APPL1: variants seen among roughly 807,000 people sequenced by gnomAD.
APPL1 encodes adaptor protein, phosphotyrosine interacting with PH domain and leucine zipper 1.
A neutral mutation model predicts 106.8 loss-of-function variants in APPL1; 42 were observed. That is an observed-to-expected ratio of 0.39 (90% CI 0.31 to 0.51). The LOEUF is 0.51. Ranked by LOEUF, APPL1 falls within the 20% of genes least tolerant of loss-of-function variation. The pLI is 0.75. For missense variants in APPL1, 769 were observed against 858.2 expected (o/e 0.90, Z 1.30); for synonymous variants, 263 against 281.8 (o/e 0.93, Z 0.67).
chr3:57,250,804 C>CTTTTTTTTTT (rs71088045), intron 11 of APPL1, among the ~76,000 whole-genome samples: 18 of 110,278 alleles, frequency 1.6e-4, no homozygotes, highest in East Asian at 2.8e-4. Flanking sequence ...AACTTTCTTT[C>CTTTTTTTTTT]TTTTTTTTTT....
rs1191737337 is a variant in APPL1, at chr3:57,259,911, A to G, written c.1550A>G (p.His517Arg). Residue 517 changes from histidine to arginine, a missense_variant, in exon 17 of 22, where the codon CAT (histidine) becomes CGT (arginine). His to Arg is a conservative substitution (Grantham distance 29). Transcript: ENST00000288266. Reference sequence around the variant, plus strand: ...TCAATGGAGGTGAAATCAGATGACCATCCAGATGTTGTTTATGAAACTATG... The same window carrying G: ...TCAATGGAGGTGAAATCAGATGACCGTCCAGATGTTGTTTATGAAACTATG... ...LGSMEVKSDDHPDVVYETMRQ... is the reference protein window; with the variant it reads ...LGSMEVKSDDRPDVVYETMRQ... 1 of 1,613,614 alleles carries G rather than the reference A, an allele frequency of 6.2e-7. No individual in the cohort carries two copies. Among genetic ancestry groups the G allele is most frequent in the Non-Finnish European group, 8.5e-7 (1 of 1,179,936 alleles).
At chr3:57,265,185 A>C (rs796889428) in intron 19 of APPL1, among the ~76,000 whole-genome samples, 1 of 151,744 alleles carries the variant, frequency 6.6e-6, no homozygotes, top group African/African-American at 2.4e-5. Flanking sequence ...GTCTCATTCT[A>C]TTGCCCAGGC....
rs148385842 is a variant in APPL1, at chr3:57,243,789, A to G, written c.474+875A>G. 3.9e-3 allele frequency among the ~76,000 whole-genome samples: 589 copies of G among 152,308 alleles called. 3 individuals carry two copies. Among genetic ancestry groups the G allele is most frequent in the African/African-American group, 0.013 (556 of 41,574 alleles). On this transcript the variant is annotated intron_variant, in intron 7 of 21. Transcript: ENST00000288266. ...AGAGAAGTAGTTAAAGGCTCTGGGTATAAAATTTGATATATTTTACATTAC... is the reference window on the plus strand; with the variant it reads ...AGAGAAGTAGTTAAAGGCTCTGGGTGTAAAATTTGATATATTTTACATTAC...
At chr3:57,235,022 A>G (rs1193352329) in intron 1 of APPL1, among the ~76,000 whole-genome samples, 4 of 152,162 alleles carry the variant, frequency 2.6e-5, no homozygotes, top group African/African-American at 7.2e-5. Flanking sequence ...GCCAAACAAT[A>G]TAGACATGTA....
intron 13 of APPL1, 122 bp downstream of exon 13, chr3:57,253,860 A>G (rs1188551555): frequency 1.2e-5 from 6 of 491,714 alleles, no homozygotes; most frequent in Non-Finnish European, 1.8e-5. Context: ...TTGAATGAGT[A>G]GCTTTTTTTT....
At chr3:57,239,601 A>G (rs759936103) in intron 4 of APPL1, among the ~76,000 whole-genome samples, 11 of 152,192 alleles carry the variant, frequency 7.2e-5, no homozygotes, top group African/African-American at 1.4e-4. Flanking sequence ...TAACTAGTTC[A>G]AATAATGTTA....
intron 1 of APPL1, among the ~76,000 whole-genome samples, chr3:57,233,379 G>A (rs2060698650): frequency 6.6e-6 from 1 of 151,956 alleles, no homozygotes; most frequent in African/African-American, 2.4e-5. Flanking sequence ...CTTAAAATAG[G>A]GAATCTGTTT....
chr3:57,262,383 AC>A (rs1404529030), intron 19 of APPL1, among the ~76,000 whole-genome samples: 7 of 23,618 alleles, frequency 3.0e-4, no homozygotes, highest in South Asian at 1.5e-3. Flanking sequence ...ATGGAAAATA[AC>A]CTTTTTTTTT....
chr3:57,268,337 A>G, intron 20 of APPL1, 61 bp from the exon 21 acceptor site: 1 of 1,421,368 alleles, frequency 7.0e-7, no homozygotes, highest in South Asian at 1.4e-5. Context: ...ATTAACTGAA[A>G]TGTCTAAAAT....
At position 57,272,831 on chromosome 3, in the gene APPL1, C is replaced by T. The variant is rs945872772; in HGVS notation, c.*3144C>T. ...AGCCAGGATGTTCTCGATCTCCTGACCTCATGATCCGCCCGCCTCGGCCTC... is the reference window on the plus strand; with the variant it reads ...AGCCAGGATGTTCTCGATCTCCTGATCTCATGATCCGCCCGCCTCGGCCTC... On this transcript the variant is annotated 3_prime_UTR_variant, in exon 22 of 22. Coordinates refer to ENST00000288266, the MANE Select transcript of APPL1 (RefSeq NM_012096.3). The T allele has an allele frequency of 6.6e-6, 1 of 152,180 alleles. No individual in the cohort carries two copies. Among genetic ancestry groups the T allele is most frequent in the African/African-American group, 2.4e-5 (1 of 41,436 alleles). The allele number at this position is 152,180 out of a possible 1,614,324, so 9.4% of individuals were successfully genotyped here.
intron 19 of APPL1, among the ~76,000 whole-genome samples, chr3:57,265,019 A>C (rs2060886971): frequency 6.6e-6 from 1 of 152,026 alleles, no homozygotes; most frequent in Non-Finnish European, 1.5e-5. Flanking sequence ...ATTGCATTGA[A>C]TCTATAGATT....
intron 21 of APPL1, 118 bp from the exon 22 acceptor site, chr3:57,269,421 CAG>C (rs2060919275): frequency 1.0e-6 from 1 of 954,128 alleles, no homozygotes; most frequent in Non-Finnish European, 1.5e-6. Context: ...ATCAAGTTGT[CAG>C]AAGTATGCAT....
chr3:57,260,011 C>G lies in APPL1; in HGVS notation c.1650C>G (p.Asp550Glu), dbSNP rs2060857005. The G allele has an allele frequency of 6.2e-7, 1 of 1,613,302 alleles. No individual in the cohort carries two copies. The highest frequency in any genetic ancestry group is 1.3e-5 in the African/African-American group (1 of 74,894). Residue 550 changes from aspartate (D) to glutamate (E), a missense_variant, in exon 17 of 22, where the codon GAC (aspartate) becomes GAG (glutamate). Physicochemically the swap from Asp to Glu is conservative, Grantham distance 45. Coordinates refer to ENST00000288266, the MANE Select transcript of APPL1 (RefSeq NM_012096.3). Reference sequence around the variant, plus strand: ...AATCGCATTTATTAGTCACTTGTGACTGTTTAAAGTAAGTAAAACCCTCCC... The same window carrying G: ...AATCGCATTTATTAGTCACTTGTGAGTGTTTAAAGTAAGTAAAACCCTCCC... ...MTESHLLVTC[D>E]CLKLIDPQTQ...
Position 57,271,335 on chromosome 3 carries a change from A to G in APPL1, c.*1648A>G, listed in dbSNP as rs913749130. The G allele has an allele frequency of 6.6e-6, 1 of 152,596 alleles. No individual in the cohort carries two copies. Among genetic ancestry groups the G allele is most frequent in the African/African-American group, 2.4e-5 (1 of 41,438 alleles). 9.5% of individuals were successfully genotyped at this position (152,596 alleles called of 1,614,324 possible). On this transcript the variant is annotated 3_prime_UTR_variant, in exon 22 of 22. Transcript: ENST00000288266. ...TGTAATGTTTATTTACTGATGCTTT[A>G]TGTTACCAAAACATACAGTAAAAAA... is the stretch of plus-strand genomic sequence containing the variant.
At chr3:57,245,565 G>A (rs1355063496) in intron 7 of APPL1, among the ~76,000 whole-genome samples, 2 of 146,798 alleles carry the variant, frequency 1.4e-5, no homozygotes, top group Non-Finnish European at 3.0e-5. Flanking sequence ...TTTTTTTTGA[G>A]ACAGTCTCTC....
chr3:57,253,795 T>G, intron 13 of APPL1, 57 bp downstream of exon 13: 2 of 1,318,936 alleles, frequency 1.5e-6, no homozygotes, highest in East Asian at 6.3e-5. Flanking sequence ...TTTTGTGGCT[T>G]ACATGTTTTT....
chr3:57,235,776 A>T, intron 2 of APPL1, 112 bp downstream of exon 2: 1 of 645,658 alleles, frequency 1.5e-6, no homozygotes, highest in Non-Finnish European at 2.7e-6. Flanking sequence ...TTAGGCTCAT[A>T]GTAATAAATA....
intron 2 of APPL1, among the ~76,000 whole-genome samples, chr3:57,236,407 C>T (rs970172784): frequency 6.6e-6 from 1 of 151,308 alleles, no homozygotes; most frequent in Non-Finnish European, 1.5e-5. Context: ...CAGCTCACTG[C>T]ACCCTCCACC....
rs1250312344 is a variant in APPL1, at chr3:57,271,187, ATC to A, written c.*1502_*1503del. The stretch of plus-strand genomic sequence containing the variant: ...TTCTTAGTTCTGCATTAGAAATGGC[ATC>A]TGTTTTAGGTCTCAAAATATAACTC... On this transcript the variant is annotated 3_prime_UTR_variant, in exon 22 of 22. Transcript: ENST00000288266. 1.3e-5 allele frequency: 2 copies of A among 151,718 alleles called. No homozygotes were observed. The highest frequency in any genetic ancestry group is 2.4e-5 in the African/African-American group (1 of 41,012). The allele number at this position is 151,718 out of a possible 1,614,324, so 9.4% of individuals were successfully genotyped here. A position where few individuals can be genotyped will look rare whatever the true frequency, so the allele number is the denominator to read the frequency against.
Sources: gnomAD v4.1 joint callset for allele counts (sites outside exome capture counted in the v4.1 genomes callset) on GRCh38, gnomAD v4.1.1 for gene constraint, MANE v1.5 for transcripts, NCBI Gene and HGNC (gene_info 2026-07-23, HGNC 2026-07-21) for gene names.